Variants in ANKFN1 observed in about 807,000 individuals in gnomAD.
ANKFN1 encodes ankyrin repeat and fibronectin type III domain containing 1, also known as ankyrin repeat and fibronectin type-III domain-containing protein 1.
ANKFN1 carries 74 observed loss-of-function variants against 108.7 expected under a neutral mutation model. That is an observed-to-expected ratio of 0.68 (90% CI 0.56 to 0.83). The LOEUF is 0.83. Among genes scored for constraint, ANKFN1 ranks in the 40% least tolerant of loss-of-function variants. ANKFN1 has a pLI of 0.00. For missense variants in ANKFN1, 1,505 were observed against 1,382.3 expected (o/e 1.09, Z -1.41); for synonymous variants, 547 against 516.2 (o/e 1.06, Z -0.81).
intron 3 of ANKFN1, among the ~76,000 whole-genome samples, chr17:56,240,066 T>C (rs2037783604): frequency 6.6e-6 from 1 of 152,194 alleles, no homozygotes. Flanking sequence ...CATGCACATT[T>C]AACTAATTTG....
intron 3 of ANKFN1, among the ~76,000 whole-genome samples, chr17:56,270,149 G>A (rs1253907701): frequency 1.3e-5 from 2 of 152,134 alleles, no homozygotes; most frequent in South Asian, 2.1e-4. Context: ...ACAAAGCAGG[G>A]CACTTAAAGA....
intron 3 of ANKFN1, among the ~76,000 whole-genome samples, chr17:56,259,071 G>A (rs1180619499): frequency 6.6e-6 from 1 of 152,176 alleles, no homozygotes; most frequent in African/African-American, 2.4e-5. Context: ...AGTATCTTAT[G>A]TAATCTTCAC....
rs182669858 is a variant in ANKFN1, at chr17:56,144,071, C to T, written c.289-83846C>T. On this transcript the variant is annotated intron_variant, in intron 4 of 12. Coordinates refer to the ANKFN1 transcript ENST00000635860. Reference sequence around the variant, plus strand: ...TTATCCTTATCACAAGAGCTGTGTGCTCCCAGAGGGCAGAGGTTGTCATTT... The same window carrying T: ...TTATCCTTATCACAAGAGCTGTGTGTTCCCAGAGGGCAGAGGTTGTCATTT... Among the ~76,000 whole-genome samples, 272 of 149,152 alleles carry T rather than the reference C, an allele frequency of 1.8e-3. 1 individual carries two copies. The highest frequency in any genetic ancestry group is 6.5e-3 in the African/African-American group (265 of 40,618).
At chr17:56,503,107 G>A (rs893210806) in intron 20 of ANKFN1, among the ~76,000 whole-genome samples, 1 of 147,320 alleles carries the variant, frequency 6.8e-6, no homozygotes, top group African/African-American at 2.5e-5. Flanking sequence ...CTCCTTTTCT[G>A]TGGATATAGT....
At chr17:56,279,196 C>A (rs2044008873) in intron 3 of ANKFN1, among the ~76,000 whole-genome samples, 1 of 151,964 alleles carries the variant, frequency 6.6e-6, no homozygotes, top group African/African-American at 2.4e-5. Context: ...TTCTAATATA[C>A]CCAATATAAA....
intron 3 of ANKFN1, among the ~76,000 whole-genome samples, chr17:56,252,620 T>G (rs1208462501): frequency 6.6e-6 from 1 of 150,836 alleles, no homozygotes; most frequent in Middle Eastern, 3.4e-3. Context: ...CACAAGTAAT[T>G]TTTTAAAATT....
chr17:56,480,714 G>C lies in ANKFN1; in HGVS notation c.1987G>C (p.Glu663Gln), dbSNP rs1001943012. 25 of 1,613,954 alleles carry C rather than the reference G, an allele frequency of 1.5e-5. No homozygotes were observed. Among genetic ancestry groups the C allele is most frequent in the Non-Finnish European group, 1.9e-5 (23 of 1,179,924 alleles). ...AAAGCTTTCTGGCTCTGAATCTATG[G>C]AAAGTGTGGATCATACTTCTGACTG... Reference protein sequence around the residue: ...IQKLSGSESMESVDHTSDCPM... With the variant: ...IQKLSGSESMQSVDHTSDCPM... The change falls in exon 17 of 21, where the codon GAA becomes CAA. Residue 663 changes from glutamate to glutamine, a missense_variant. Transcript: ENST00000682825.
intron 1 of ANKFN1, among the ~76,000 whole-genome samples, chr17:56,179,785 CGCCCAGAACAGA>C (rs1173671634): frequency 6.6e-6 from 1 of 152,164 alleles, no homozygotes. Flanking sequence ...ATTTGTAAGA[CGCCCAGAACAGA>C]GCCTGGTGTT....
chr17:56,186,005 A>C (rs1436776513), intron 1 of ANKFN1, among the ~76,000 whole-genome samples: 4 of 152,218 alleles, frequency 2.6e-5, no homozygotes, highest in African/African-American at 7.2e-5. Context: ...CCACTCTCAA[A>C]GGCAGCTCAT....
At chr17:56,422,615 C>T (rs1282761514) in intron 8 of ANKFN1, among the ~76,000 whole-genome samples, 1 of 152,118 alleles carries the variant, frequency 6.6e-6, no homozygotes, top group Non-Finnish European at 1.5e-5. Flanking sequence ...AACCTTGAAG[C>T]GCAAGATCCT....
chr17:56,494,946 CCTTT>C (rs556393996), intron 19 of ANKFN1, among the ~76,000 whole-genome samples: 39 of 152,238 alleles, frequency 2.6e-4, no homozygotes, highest in African/African-American at 9.4e-4. Flanking sequence ...TACCCTTGCT[CCTTT>C]CTTTTTCATG....
chr17:56,440,461 C>A, intron 9 of ANKFN1, 37 bp downstream of exon 9: 1 of 1,527,832 alleles, frequency 6.5e-7, no homozygotes, highest in Non-Finnish European at 9.0e-7. Context: ...TTCCCTATTG[C>A]TGATATTTGT....
intron 3 of ANKFN1, 146 bp from the exon 4 acceptor site, chr17:56,326,075 C>T (rs1039783881): frequency 1.4e-4 from 154 of 1,118,608 alleles, no homozygotes; most frequent in Non-Finnish European, 1.9e-4. Context: ...AGAGAATACA[C>T]CTAGCCTCTG....
intron 1 of ANKFN1, among the ~76,000 whole-genome samples, chr17:56,170,632 G>C (rs539633124): frequency 6.6e-6 from 1 of 150,834 alleles, no homozygotes; most frequent in African/African-American, 2.4e-5. Context: ...GCATGGTGGC[G>C]CGTGCCCATA....
At chr17:56,418,259 T>G (rs1024656667) in intron 8 of ANKFN1, among the ~76,000 whole-genome samples, 3 of 152,210 alleles carry the variant, frequency 2.0e-5, no homozygotes, top group African/African-American at 7.2e-5. Flanking sequence ...GCGAAGGATG[T>G]GTCTGTGTTG....
chr17:56,141,675 G>C (rs911178870), intron 4 of ANKFN1, among the ~76,000 whole-genome samples: 1 of 152,076 alleles, frequency 6.6e-6, no homozygotes. Context: ...GGGTGTGTGT[G>C]GGGGGTGGGG....
At chr17:56,300,451 T>C (rs562934113) in intron 3 of ANKFN1, among the ~76,000 whole-genome samples, 1 of 152,306 alleles carries the variant, frequency 6.6e-6, no homozygotes, top group African/African-American at 2.4e-5. Flanking sequence ...TTAAGGGAAA[T>C]TTAATCCACA....
At position 56,067,145 on chromosome 17, in the gene ANKFN1, C is replaced by CA. The variant is rs529115239; in HGVS notation, c.288+20821dup. Among the ~76,000 whole-genome samples, 10 of 152,140 alleles carry CA rather than the reference C, an allele frequency of 6.6e-5. No homozygotes were observed. In the South Asian group the frequency reaches 2.1e-3, roughly 32 times the overall value. ...CAGAGGTTGCAGTGAGCCGAGATTG[C>CA]ACCACTGCACTCCAGCCTGGGCAAC... is the stretch of plus-strand genomic sequence containing the variant. On this transcript the variant is annotated intron_variant, in intron 4 of 12. Coordinates refer to the ANKFN1 transcript ENST00000635860.
chr17:56,319,710 A>C (rs1194528194), intron 3 of ANKFN1, among the ~76,000 whole-genome samples: 1 of 152,152 alleles, frequency 6.6e-6, no homozygotes, highest in African/African-American at 2.4e-5. Context: ...CCTTTTAAAG[A>C]GAGTTAGGTG....
Sources: gnomAD v4.1 joint callset for allele counts (sites outside exome capture counted in the v4.1 genomes callset) on GRCh38, gnomAD v4.1.1 for gene constraint, MANE v1.5 for transcripts, NCBI Gene and HGNC (gene_info 2026-07-23, HGNC 2026-07-21) for gene names.